Variants in RAI1 observed in about 807,000 individuals in gnomAD.
RAI1 encodes retinoic acid-induced protein 1.
Under a neutral mutation model 123.8 loss-of-function variants are expected in RAI1, and 9 were observed. The ratio of observed to expected loss-of-function variants is 0.07; its 90% CI spans 0.04 to 0.13. The LOEUF (loss-of-function observed/expected upper bound fraction) is 0.13, where lower values mean the gene tolerates loss of function less well. RAI1 is among the 10% of genes least tolerant of loss of function. The pLI, the probability that RAI1 is intolerant of heterozygous loss-of-function variation, is 1.00. For synonymous variants in RAI1, 1,231 were observed against 1,127.3 expected (o/e 1.09, Z -1.84); for missense variants, 2,256 against 2,545.8 (o/e 0.89, Z 2.45).
intron 1 of RAI1, 109 bp from the exon 2 acceptor site, chr17:17,723,919 G>A (rs1309758191): frequency 6.7e-6 from 1 of 148,446 alleles, no homozygotes; most frequent in East Asian, 2.1e-4. Flanking sequence ...CGGGGCGCGA[G>A]AGGCGCGGCG....
intron 1 of RAI1, among the ~76,000 whole-genome samples, chr17:17,690,318 C>T (rs558025116): frequency 6.7e-6 from 1 of 149,984 alleles, no homozygotes; most frequent in Non-Finnish European, 1.5e-5. Flanking sequence ...ACCTGGGAGG[C>T]AGAGGTGGCA....
chr17:17,769,566 G>T (rs1012677794), intron 2 of RAI1, among the ~76,000 whole-genome samples: 1 of 152,250 alleles, frequency 6.6e-6, no homozygotes, highest in Non-Finnish European at 1.5e-5. Flanking sequence ...AGAGGCTAGG[G>T]ACGAGGAGAT....
chr17:17,807,076 G>C (rs2032608235), intron 4 of RAI1, among the ~76,000 whole-genome samples: 1 of 152,154 alleles, frequency 6.6e-6, no homozygotes, highest in Non-Finnish European at 1.5e-5. Flanking sequence ...CAAAATAGCA[G>C]GGTTGTGTTC....
At chr17:17,694,925 C>T (rs1013492512) in intron 1 of RAI1, among the ~76,000 whole-genome samples, 1 of 152,022 alleles carries the variant, frequency 6.6e-6, no homozygotes, top group Admixed American at 6.5e-5. Context: ...CCGGCGCTTG[C>T]GGGTTACCGG....
intron 2 of RAI1, among the ~76,000 whole-genome samples, chr17:17,753,732 C>T (rs2030312647): frequency 6.6e-6 from 1 of 152,150 alleles, no homozygotes; most frequent in Non-Finnish European, 1.5e-5. Context: ...GATACTCAGT[C>T]TTAAGTCCAT....
At chr17:17,726,028 T>A (rs1466693844) in intron 2 of RAI1, among the ~76,000 whole-genome samples, 1 of 152,024 alleles carries the variant, frequency 6.6e-6, no homozygotes, top group African/African-American at 2.4e-5. Flanking sequence ...GCTAGCAGAT[T>A]CTAGACCCTG....
rs1345589092 is a variant in RAI1, at chr17:17,797,591, C to T, written c.4643C>T (p.Thr1548Ile). Reference protein sequence around the residue: ...KRLTRGRAKNTTSSPCKGRAK... With the variant: ...KRLTRGRAKNITSSPCKGRAK... ...CTCACTCGGGGCCGGGCCAAGAACACCACCTCTTCACCCTGTAAGGGGCGT... is the reference window on the plus strand; with the variant it reads ...CTCACTCGGGGCCGGGCCAAGAACATCACCTCTTCACCCTGTAAGGGGCGT... The change falls in exon 3 of 6, where the codon ACC becomes ATC. Residue 1548 changes from threonine (T) to isoleucine (I), a missense_variant. Thr to Ile is a moderately conservative substitution (Grantham distance 89). Transcript: ENST00000353383. 1 of 1,614,074 alleles carries T rather than the reference C, an allele frequency of 6.2e-7. No individual in the cohort carries two copies. The highest frequency in any genetic ancestry group is 1.1e-5 in the South Asian group (1 of 91,090).
At chr17:17,753,419 A>G (rs2030297631) in intron 2 of RAI1, among the ~76,000 whole-genome samples, 1 of 152,232 alleles carries the variant, frequency 6.6e-6, no homozygotes, top group Non-Finnish European at 1.5e-5. Context: ...CACTCCCACA[A>G]AACAAAAGGG....
In RAI1 at chr17:17,809,544, C is replaced by T. The variant is rs2032664676; in HGVS notation, c.5709+105C>T. Reference sequence around the variant, plus strand: ...CTGGGCCCCCTTGGCTGCGCAGCCCCGCAGGGCCCAGCCCTAGGGGAGGGA... The same window carrying T: ...CTGGGCCCCCTTGGCTGCGCAGCCCTGCAGGGCCCAGCCCTAGGGGAGGGA... On this transcript the variant is annotated intron_variant, in intron 5 of 5. Coordinates refer to ENST00000353383, the MANE Select transcript of RAI1 (RefSeq NM_030665.4). This position sits in a 1 kb window ranked among gnomAD's most constrained non-coding sequence, Gnocchi z 4.9. The T allele has an allele frequency of 1.6e-6, 2 of 1,284,316 alleles. No individual in the cohort carries two copies. Among genetic ancestry groups the T allele is most frequent in the Non-Finnish European group, 2.2e-6 (2 of 891,664 alleles). The allele number at this position is 1,284,316 out of a possible 1,614,324, so 79.6% of individuals were successfully genotyped here. A position where few individuals can be genotyped will look rare whatever the true frequency, so the allele number is the denominator to read the frequency against.
chr17:17,691,425 T>TA (rs774616356), intron 1 of RAI1, among the ~76,000 whole-genome samples: 1 of 152,188 alleles, frequency 6.6e-6, no homozygotes, highest in Non-Finnish European at 1.5e-5. Context: ...GAGCAGACGT[T>TA]ACAGAAATGA....
intron 2 of RAI1, chr17:17,778,919 C>T (rs1016935610): frequency 8.8e-6 from 4 of 456,964 alleles, no homozygotes; most frequent in Non-Finnish European, 1.8e-5. Context: ...CCTGAGGGGG[C>T]TGGGGCGGGG....
intron 2 of RAI1, among the ~76,000 whole-genome samples, chr17:17,773,034 T>C (rs1442095059): frequency 8.3e-6 from 1 of 120,148 alleles, no homozygotes; most frequent in Non-Finnish European, 1.6e-5. Flanking sequence ...TGGGTGTGTG[T>C]GCATGGATGC....
At chr17:17,807,713 T>C (rs190337320) in intron 4 of RAI1, among the ~76,000 whole-genome samples, 1 of 152,290 alleles carries the variant, frequency 6.6e-6, no homozygotes, top group East Asian at 1.9e-4. Context: ...CCTCCTACCC[T>C]CAACTTCCCT....
chr17:17,783,745 C>T (rs933539619), intron 2 of RAI1, among the ~76,000 whole-genome samples: 2 of 151,262 alleles, frequency 1.3e-5, no homozygotes, highest in East Asian at 4.0e-4. Context: ...CCGGTGACCC[C>T]CCTCCACCTC....
chr17:17,778,773 T>G (rs527452710), intron 2 of RAI1: 1 of 456,604 alleles, frequency 2.2e-6, no homozygotes, highest in African/African-American at 2.0e-5. Context: ...CCTACAACTT[T>G]CCAGAACACA....
chr17:17,808,444 T>C (rs1432536586), intron 4 of RAI1, among the ~76,000 whole-genome samples: 1 of 149,644 alleles, frequency 6.7e-6, no homozygotes, highest in Non-Finnish European at 1.5e-5. Context: ...TTTATTTTAT[T>C]TTATTTTATT....
At chr17:17,781,210 C>CT (rs2031568520) in intron 2 of RAI1, among the ~76,000 whole-genome samples, 1 of 152,234 alleles carries the variant, frequency 6.6e-6, no homozygotes, top group Non-Finnish European at 1.5e-5. Context: ...TGCCCTGCTC[C>CT]TTTCTCAGCC....
intron 2 of RAI1, among the ~76,000 whole-genome samples, chr17:17,732,007 G>A (rs1916288060): frequency 6.6e-6 from 1 of 151,864 alleles, no homozygotes; most frequent in South Asian, 2.1e-4. Context: ...GGTGGTGGGG[G>A]GAATAAGAAT....
At chr17:17,792,491 G>A (rs548267434) in intron 2 of RAI1, among the ~76,000 whole-genome samples, 15 of 151,744 alleles carry the variant, frequency 9.9e-5, no homozygotes, top group South Asian at 2.1e-4. Context: ...ATGAGGGAGC[G>A]GGAATTGCTC....
Sources: allele counts gnomAD v4.1 joint callset (sites outside exome capture counted in the v4.1 genomes callset), GRCh38; gene constraint gnomAD v4.1.1; non-coding constraint Gnocchi (gnomAD v3.1); transcripts MANE v1.5; gene names NCBI Gene and HGNC (gene_info 2026-07-23, HGNC 2026-07-21).